CALN1: variants seen among roughly 807,000 people sequenced by gnomAD.
CALN1 encodes calcium-binding protein 8.
Under a neutral mutation model 30.6 loss-of-function variants are expected in CALN1, and 17 were observed. The observed-to-expected ratio is 0.56, with a 90% CI of 0.38 to 0.83. The LOEUF (loss-of-function observed/expected upper bound fraction) is 0.83, where lower values mean the gene tolerates loss of function less well. Among genes scored for constraint, CALN1 ranks in the 40% least tolerant of loss-of-function variants. The probability of loss-of-function intolerance (pLI) is 0.00; values close to 1 mark genes in which losing one functional copy is unlikely to be tolerated. For missense variants in CALN1, 291 were observed against 354.9 expected, an observed-to-expected ratio of 0.82 and a Z score of 1.45; for synonymous variants, 156 against 131.4, an observed-to-expected ratio of 1.19 and a Z score of -1.28.
intron 2 of CALN1, among the ~76,000 whole-genome samples, chr7:72,397,718 A>ACACT (rs1243051523): frequency 3.3e-5 from 4 of 120,400 alleles, no homozygotes; most frequent in African/African-American, 1.2e-4. Flanking sequence ...TCTCTCTCAC[A>ACACT]CACACACACA....
chr7:72,038,590 T>C (rs1801943430), intron 4 of CALN1, among the ~76,000 whole-genome samples: 1 of 152,062 alleles, frequency 6.6e-6, no homozygotes, highest in Non-Finnish European at 1.5e-5. Flanking sequence ...CTGTGCTGCA[T>C]TTCCAGATGG....
At chr7:72,287,246 T>C (rs912421023) in intron 2 of CALN1, among the ~76,000 whole-genome samples, 1 of 152,082 alleles carries the variant, frequency 6.6e-6, no homozygotes, top group Non-Finnish European at 1.5e-5. Flanking sequence ...TCTATTATCC[T>C]TCCTGTCCAT....
At chr7:72,381,091 G>C (rs564685259) in intron 2 of CALN1, among the ~76,000 whole-genome samples, 1 of 152,258 alleles carries the variant, frequency 6.6e-6, no homozygotes, top group African/African-American at 2.4e-5. Flanking sequence ...TTTGATATAA[G>C]AGAAAAACTA....
chr7:72,013,313 G>A (rs1365233161), intron 5 of CALN1, among the ~76,000 whole-genome samples: 5 of 138,010 alleles, frequency 3.6e-5, no homozygotes, highest in Non-Finnish European at 6.0e-5. Flanking sequence ...GTGCAGTGAC[G>A]TGATCATGGC....
intron 3 of CALN1, among the ~76,000 whole-genome samples, chr7:72,108,909 G>A (rs960204235): frequency 3.9e-5 from 6 of 152,152 alleles, no homozygotes; most frequent in Admixed American, 2.6e-4. Context: ...CATGGATTCC[G>A]CAAAACTGTC....
chr7:72,059,188 T>C (rs1563020233), intron 4 of CALN1, among the ~76,000 whole-genome samples: 1 of 152,198 alleles, frequency 6.6e-6, no homozygotes. Flanking sequence ...TGTCATTCCA[T>C]CTATGGTCTT....
At chr7:72,322,075 G>C (rs1455543611) in intron 2 of CALN1, among the ~76,000 whole-genome samples, 2 of 152,156 alleles carry the variant, frequency 1.3e-5, no homozygotes, top group South Asian at 4.1e-4. Context: ...ATTATTATTA[G>C]ATTGTAATAT....
At chr7:71,958,107 A>AG (rs1797060805) in intron 5 of CALN1, among the ~76,000 whole-genome samples, 1 of 151,346 alleles carries the variant, frequency 6.6e-6, no homozygotes, top group Admixed American at 6.6e-5. Context: ...AAAAAGAAAA[A>AG]GAAAAAAAAA....
chr7:71,802,621 C>A (rs1477807618), intron 6 of CALN1, among the ~76,000 whole-genome samples: 1 of 152,164 alleles, frequency 6.6e-6, no homozygotes, highest in Non-Finnish European at 1.5e-5. Context: ...CGCCACCATG[C>A]CTGGCTAATT....
At chr7:72,396,012 G>A (rs989532825) in intron 2 of CALN1, among the ~76,000 whole-genome samples, 1 of 151,552 alleles carries the variant, frequency 6.6e-6, no homozygotes. Context: ...GCTTGACATC[G>A]CTCCTTCTGC....
intron 5 of CALN1, among the ~76,000 whole-genome samples, chr7:71,837,328 G>C (rs986826951): frequency 1.4e-5 from 2 of 142,134 alleles, no homozygotes; most frequent in Non-Finnish European, 3.0e-5. Flanking sequence ...TAATTTAATA[G>C]ATGTCTAGCC....
At chr7:71,940,663 G>A (rs1796078200) in intron 5 of CALN1, among the ~76,000 whole-genome samples, 1 of 152,138 alleles carries the variant, frequency 6.6e-6, no homozygotes, top group African/African-American at 2.4e-5. Flanking sequence ...TGGTGTAGTG[G>A]CATGATCTCA....
intron 3 of CALN1, among the ~76,000 whole-genome samples, chr7:72,168,827 T>A (rs1243974254): frequency 6.9e-6 from 1 of 144,448 alleles, no homozygotes; most frequent in Non-Finnish European, 1.5e-5. Context: ...TTTTTTGAGA[T>A]GGAGTTTCAC....
At chr7:72,005,537 T>A (rs1027409854) in intron 5 of CALN1, among the ~76,000 whole-genome samples, 2 of 151,948 alleles carry the variant, frequency 1.3e-5, no homozygotes, top group African/African-American at 4.8e-5. Flanking sequence ...CTGCCATGTT[T>A]CCCAGGCTGG....
At chr7:72,387,975 CTGT>C (rs1805341818) in intron 2 of CALN1, among the ~76,000 whole-genome samples, 1 of 152,140 alleles carries the variant, frequency 6.6e-6, no homozygotes, top group African/African-American at 2.4e-5. Flanking sequence ...AGTAAAGTGA[CTGT>C]AATTAACAAT....
intron 3 of CALN1, among the ~76,000 whole-genome samples, chr7:72,240,956 T>C (rs1436062672): frequency 1.3e-5 from 2 of 152,224 alleles, no homozygotes; most frequent in Non-Finnish European, 2.9e-5. Context: ...GAACCTTCCT[T>C]GAGTGCTCCC....
chr7:72,494,869 A>AAATAATAATAATAAT, the CALN1 span, among the ~76,000 whole-genome samples: 1 of 150,846 alleles, frequency 6.6e-6, no homozygotes, highest in Non-Finnish European at 1.5e-5. Flanking sequence ...CCTGTCTCAA[A>AAATAATAATAATAAT]AATAATAATA....
At chr7:72,439,476 A>G (rs1808279289) in intron 1 of CALN1, among the ~76,000 whole-genome samples, 1 of 152,234 alleles carries the variant, frequency 6.6e-6, no homozygotes, top group Non-Finnish European at 1.5e-5. Context: ...AAAGTAAGCT[A>G]AAGAAGAGGA....
intron 3 of CALN1, among the ~76,000 whole-genome samples, chr7:72,277,933 C>T (rs868841425): frequency 6.9e-6 from 1 of 145,332 alleles, no homozygotes; most frequent in Non-Finnish European, 1.5e-5. Flanking sequence ...CGAGGGAAAA[C>T]TGATTCTGGT....
Sources: gnomAD v4.1 joint callset for allele counts (sites outside exome capture counted in the v4.1 genomes callset) on GRCh38, gnomAD v4.1.1 for gene constraint, MANE v1.5 for transcripts, NCBI Gene and HGNC (gene_info 2026-07-23, HGNC 2026-07-21) for gene names.